ZNF385B: variants seen among roughly 807,000 people sequenced by gnomAD.
ZNF385B encodes the protein zinc finger protein 385B.
ZNF385B carries 23 observed loss-of-function variants against 39.2 expected under a neutral mutation model. That is an observed-to-expected ratio of 0.59 (90% CI 0.42 to 0.83). The LOEUF is 0.83. Among genes scored for constraint, ZNF385B ranks in the 40% least tolerant of loss-of-function variants. ZNF385B has a pLI of 0.00. For synonymous variants in ZNF385B, 205 were observed against 222.6 expected (o/e 0.92, Z 0.70); for missense variants, 552 against 598.9 (o/e 0.92, Z 0.82).
intron 3 of ZNF385B, among the ~76,000 whole-genome samples, chr2:179,586,790 G>C (rs561501715): frequency 1.3e-5 from 2 of 152,316 alleles, no homozygotes; most frequent in African/African-American, 4.8e-5. Flanking sequence ...TGTAATCCCA[G>C]CACTCTGGGA....
In ZNF385B at chr2:179,483,292, C is replaced by T; in HGVS notation, c.695G>A (p.Gly232Asp). The change falls in exon 6 of 10, where the codon GGC (glycine) becomes GAC (aspartate). Residue 232 changes from glycine (G) to aspartate (D), a missense_variant. Gly to Asp is a moderately conservative substitution (Grantham distance 94, BLOSUM62 -1). Transcript: ENST00000410066. ...TTGACCTGATTTGTCAGAGTTGTTGCCTGTGATTGGAGTGATGGAGCAGCT... is the reference window on the plus strand; with the variant it reads ...TTGACCTGATTTGTCAGAGTTGTTGTCTGTGATTGGAGTGATGGAGCAGCT... ...NPSCSITPIT[G>D]NNSDKSEDKG... is the part of the protein sequence containing the mutation. 1.2e-6 allele frequency: 2 copies of T among 1,613,870 alleles called. No individual in the cohort carries two copies. The highest frequency in any genetic ancestry group is 2.2e-5 in the East Asian group (1 of 44,872).
chr2:179,647,986 G>T (rs1262594370), intron 3 of ZNF385B, among the ~76,000 whole-genome samples: 1 of 152,038 alleles, frequency 6.6e-6, no homozygotes, highest in Admixed American at 6.6e-5. Context: ...AGAAAAGGGG[G>T]GTCAGAACAG....
At chr2:179,760,985 T>C (rs933603489) in intron 3 of ZNF385B, among the ~76,000 whole-genome samples, 2 of 152,218 alleles carry the variant, frequency 1.3e-5, no homozygotes, top group African/African-American at 4.8e-5. Flanking sequence ...TCCAGGACCA[T>C]TTGTTGAAAA....
chr2:179,558,302 A>G (rs1365708932), intron 3 of ZNF385B, among the ~76,000 whole-genome samples: 3 of 152,174 alleles, frequency 2.0e-5, no homozygotes, highest in African/African-American at 7.2e-5. Flanking sequence ...TCTAGGGCAC[A>G]AAATGTTTTT....
intron 3 of ZNF385B, among the ~76,000 whole-genome samples, chr2:179,557,850 T>G (rs1238577070): frequency 2.6e-5 from 4 of 152,044 alleles, no homozygotes; most frequent in Non-Finnish European, 4.4e-5. Context: ...CCTGATAGGT[T>G]TTCAACCCTT....
intron 3 of ZNF385B, among the ~76,000 whole-genome samples, chr2:179,733,256 G>A (rs1575376978): frequency 6.6e-6 from 1 of 152,260 alleles, no homozygotes; most frequent in South Asian, 2.1e-4. Flanking sequence ...AGGGCAACAG[G>A]CTGGATCATC....
intron 3 of ZNF385B, among the ~76,000 whole-genome samples, chr2:179,711,410 C>A (rs530545489): frequency 2.6e-4 from 40 of 152,128 alleles, no homozygotes; most frequent in African/African-American, 8.4e-4. Flanking sequence ...ATACCTGGCC[C>A]CAGGGAAATA....
At chr2:179,772,930 C>A (rs1704095977) in intron 1 of ZNF385B, among the ~76,000 whole-genome samples, 1 of 152,052 alleles carries the variant, frequency 6.6e-6, no homozygotes, top group Admixed American at 6.5e-5. Flanking sequence ...ATTAGATGAC[C>A]AACAACTTAA....
intron 3 of ZNF385B, among the ~76,000 whole-genome samples, chr2:179,697,683 T>A (rs557356881): frequency 6.6e-6 from 1 of 152,204 alleles, no homozygotes; most frequent in Non-Finnish European, 1.5e-5. Flanking sequence ...TTTAAGATGA[T>A]CCTAATCAAA....
At chr2:179,548,408 GGTTT>G (rs34315008) in intron 3 of ZNF385B, among the ~76,000 whole-genome samples, 11,251 of 148,382 alleles carry the variant, frequency 0.076, 940 homozygotes, top group Middle Eastern at 0.2. Context: ...TGGCATGTAA[GGTTT>G]GTTTGTTTGT....
intron 3 of ZNF385B, among the ~76,000 whole-genome samples, chr2:179,594,523 G>T (rs1687833802): frequency 6.6e-6 from 1 of 152,138 alleles, no homozygotes; most frequent in South Asian, 2.1e-4. Flanking sequence ...TGTTCTGATT[G>T]TAAGTCACAG....
intron 3 of ZNF385B, among the ~76,000 whole-genome samples, chr2:179,704,061 T>C (rs1411799535): frequency 6.6e-6 from 1 of 152,164 alleles, no homozygotes; most frequent in African/African-American, 2.4e-5. Flanking sequence ...ATGATCAGAT[T>C]TTTGTTTTAT....
chr2:179,828,283 T>C (rs1420534158), intron 1 of ZNF385B, among the ~76,000 whole-genome samples: 2 of 152,146 alleles, frequency 1.3e-5, no homozygotes, highest in Admixed American at 6.5e-5. Context: ...GATAATGATA[T>C]GTGGGAAACT....
At chr2:179,845,620 T>A (rs147564360) in intron 1 of ZNF385B, among the ~76,000 whole-genome samples, 2 of 152,292 alleles carry the variant, frequency 1.3e-5, no homozygotes, top group African/African-American at 4.8e-5. Flanking sequence ...TTGCAAAGAT[T>A]TGCAGCCCTT....
intron 1 of ZNF385B, among the ~76,000 whole-genome samples, chr2:179,781,298 C>A (rs977273272): frequency 6.6e-6 from 1 of 152,084 alleles, no homozygotes; most frequent in East Asian, 1.9e-4. Context: ...GGAAAAGTAA[C>A]CTGACCAATG....
intron 5 of ZNF385B, among the ~76,000 whole-genome samples, chr2:179,493,667 G>GCATATATGTATACA (rs2055639292): frequency 2.1e-5 from 2 of 93,876 alleles, no homozygotes; most frequent in South Asian, 7.2e-4. Context: ...ATATGTATAT[G>GCATATATGTATACA]CATATGCATA....
chr2:179,851,523 C>T (rs888160092), intron 1 of ZNF385B, among the ~76,000 whole-genome samples: 1 of 152,238 alleles, frequency 6.6e-6, no homozygotes, highest in Non-Finnish European at 1.5e-5. Flanking sequence ...TCAATCATAA[C>T]ATGACCCTAC....
At chr2:179,525,562 G>A (rs1410581746) in intron 4 of ZNF385B, among the ~76,000 whole-genome samples, 1 of 152,152 alleles carries the variant, frequency 6.6e-6, no homozygotes, top group Non-Finnish European at 1.5e-5. Context: ...TTGTGACTTT[G>A]GGCCTTCTGG....
intron 3 of ZNF385B, among the ~76,000 whole-genome samples, chr2:179,692,160 C>A (rs1006970850): frequency 1.3e-5 from 2 of 152,106 alleles, no homozygotes; most frequent in African/African-American, 4.8e-5. Context: ...TACCCCTCTA[C>A]CCCTGGCCTC....
Sources: gnomAD v4.1 joint callset for allele counts (sites outside exome capture counted in the v4.1 genomes callset) on GRCh38, gnomAD v4.1.1 for gene constraint, MANE v1.5 for transcripts, NCBI Gene and HGNC (gene_info 2026-07-23, HGNC 2026-07-21) for gene names.